The following TMEM39B variants were observed in gnomAD, a reference collection of about 807,000 sequenced individuals.
The protein encoded by TMEM39B is transmembrane protein 39B.
TMEM39B carries 23 observed loss-of-function variants against 52.2 expected under a neutral mutation model. That is an observed-to-expected ratio of 0.44 (90% CI 0.32 to 0.62). TMEM39B has a LOEUF of 0.62. TMEM39B is among the 20% of genes least tolerant of loss of function. The pLI is 0.06. For missense variants in TMEM39B, 547 were observed against 642.0 expected, an observed-to-expected ratio of 0.85 and a Z score of 1.60; for synonymous variants, 285 against 264.0, an observed-to-expected ratio of 1.08 and a Z score of -0.77.
At chr1:32,082,101 C>A (rs1640122214) in intron 5 of TMEM39B, among the ~76,000 whole-genome samples, 1 of 151,504 alleles carries the variant, frequency 6.6e-6, no homozygotes, top group Non-Finnish European at 1.5e-5. Flanking sequence ...TATAAGTATC[C>A]CTATACTTTT....
chr1:32,084,050 C>T, intron 5 of TMEM39B, among the ~76,000 whole-genome samples: 1 of 151,728 alleles, frequency 6.6e-6, no homozygotes, highest in South Asian at 2.1e-4. Context: ...ATTTTTCTTA[C>T]ATTCTATCAG....
At chr1:32,072,479 T>A (rs1169761176), upstream of TMEM39B, 3 of 152,906 alleles carry the variant, frequency 2.0e-5, no homozygotes, top group East Asian at 5.8e-4. Context: ...GTGAGAAATA[T>A]TTAGGACTTA....
At position 32,102,339 on chromosome 1, in the gene TMEM39B, G is replaced by C. The variant is rs142797276; in HGVS notation, c.1237-92G>C. On this transcript the variant is annotated intron_variant, in intron 8 of 8. Coordinates refer to ENST00000336294, the MANE Select transcript of TMEM39B (RefSeq NM_018056.4). The stretch of plus-strand genomic sequence containing the variant: ...CCATGTCTGCATGGGGCCCCAGGAG[G>C]CTGTCCCCTTCACTGGCCCACCCAG... The C allele has an allele frequency of 1.5e-3, 2,268 of 1,537,768 alleles. 32 individuals carry two copies. The African/African-American group carries it at 0.027, about 18-fold the overall frequency.
At chr1:32,088,192 C>T (rs921655030) in intron 5 of TMEM39B, among the ~76,000 whole-genome samples, 5 of 147,964 alleles carry the variant, frequency 3.4e-5, no homozygotes, top group African/African-American at 1.0e-4. Context: ...CCGAAGTGGG[C>T]GATCACGAGA....
chr1:32,094,831 G>C lies in TMEM39B; in HGVS notation c.975G>C (p.Leu325=). ...GCTGGTCCTGTGAACTCTTCCTGCT[G>C]GTGTCCATCAGCACCTCCGTGATCC... is the stretch of plus-strand genomic sequence containing the variant. The part of the protein sequence containing the change: ...DKRWSCELFL[L]VSISTSVILM... Residue 325 remains leucine, a synonymous_variant, in exon 7 of 9, where the codon CTG becomes CTC. Coordinates refer to ENST00000336294, the MANE Select transcript of TMEM39B (RefSeq NM_018056.4). 2 of 1,614,208 alleles carry C rather than the reference G, an allele frequency of 1.2e-6. No homozygotes were observed. Among genetic ancestry groups the C allele is most frequent in the Non-Finnish European group, 8.5e-7 (1 of 1,180,046 alleles).
At chr1:32,096,845 C>T (rs1640828413) in intron 7 of TMEM39B, among the ~76,000 whole-genome samples, 4 of 151,420 alleles carry the variant, frequency 2.6e-5, no homozygotes, top group Admixed American at 2.6e-4. Context: ...CACTCTGTCT[C>T]CCAGGCTGGA....
At chr1:32,095,338 A>G (rs1557439521) in intron 7 of TMEM39B, among the ~76,000 whole-genome samples, 1 of 152,048 alleles carries the variant, frequency 6.6e-6, no homozygotes, top group Non-Finnish European at 1.5e-5. Context: ...ATTTACTTCC[A>G]CCCAATCCAT....
At chr1:32,093,525 C>G (rs1489152823) in intron 6 of TMEM39B, among the ~76,000 whole-genome samples, 1 of 148,494 alleles carries the variant, frequency 6.7e-6, no homozygotes, top group Non-Finnish European at 1.5e-5. Context: ...AATTCTCCTA[C>G]CTTAGCCTCC....
intron 5 of TMEM39B, among the ~76,000 whole-genome samples, chr1:32,090,165 A>C (rs957784866): frequency 6.6e-6 from 1 of 152,060 alleles, no homozygotes; most frequent in Non-Finnish European, 1.5e-5. Flanking sequence ...AATATTTATA[A>C]AAGCCCCTAC....
At chr1:32,100,731 A>G in intron 8 of TMEM39B, 169 bp downstream of exon 8, 1 of 930,942 alleles carries the variant, frequency 1.1e-6, no homozygotes, top group South Asian at 1.6e-5. Flanking sequence ...TTGTCACTTA[A>G]TAACTGCAGC....
At chr1:32,088,564 A>ATTTT (rs35622976) in intron 5 of TMEM39B, among the ~76,000 whole-genome samples, 1 of 123,840 alleles carries the variant, frequency 8.1e-6, no homozygotes, top group Non-Finnish European at 1.7e-5. Context: ...CCTCACTCCC[A>ATTTT]TTTTTTTTTT....
In TMEM39B at chr1:32,093,806, T is replaced by TTTTTG. The variant is rs528545796; in HGVS notation, c.928-953_928-949dup. On this transcript the variant is annotated intron_variant, in intron 6 of 8. Coordinates refer to ENST00000336294, the MANE Select transcript of TMEM39B (RefSeq NM_018056.4). ...TTGGAGGTGGTTCATGGTTGCTTTT[T>TTTTTG]TTTTGTTTTGTTTTGTTTTGTTTTG... Among the ~76,000 whole-genome samples the TTTTTG allele has an allele frequency of 2.0e-3, 299 of 151,378 alleles. 3 individuals are homozygous for TTTTTG. The highest frequency in any genetic ancestry group is 6.2e-3 in the African/African-American group (257 of 41,268).
rs539682306 is a variant in TMEM39B at position 32,084,760 on chromosome 1, G to GT, written c.591-6912dup. ...TTTTTGTATTTTTAGTAGAGACGGG[G>GT]TTTCACCATGTTGGTCAGGCTGGTC... On this transcript the variant is annotated intron_variant, in intron 5 of 8. Coordinates refer to ENST00000336294, the MANE Select transcript of TMEM39B (RefSeq NM_018056.4). Among the ~76,000 whole-genome samples, 63 of 152,094 alleles carry GT rather than the reference G, an allele frequency of 4.1e-4. 1 individual carries two copies. The East Asian group carries it at 8.5e-3, about 21-fold the overall frequency.
Position 32,074,994 on chromosome 1 carries a change from G to T in TMEM39B, c.48G>T (p.Pro16=), listed in dbSNP as rs769208259. 1 of 1,551,464 alleles carries T rather than the reference G, an allele frequency of 6.4e-7. No individual in the cohort carries two copies. Among genetic ancestry groups the T allele is most frequent in the Non-Finnish European group, 8.7e-7 (1 of 1,146,960 alleles). ...ACAGGACATCTTACTGTCGAAATCC[G>T]CTCTGTGAGCCGGGATCCTCGGGGG... is the stretch of plus-strand genomic sequence containing the variant. The part of the protein sequence containing the change: ...GPNRTSYCRN[P]LCEPGSSGGS... Residue 16 remains proline (P), a synonymous_variant, in exon 2 of 9, where the codon CCG becomes CCT. Coordinates refer to ENST00000336294, the MANE Select transcript of TMEM39B (RefSeq NM_018056.4).
intron 3 of TMEM39B, among the ~76,000 whole-genome samples, chr1:32,076,406 C>A (rs1025638311): frequency 2.6e-5 from 4 of 152,106 alleles, no homozygotes; most frequent in Non-Finnish European, 5.9e-5. Context: ...CCACCGCGCC[C>A]GGCCAGGAGC....
intron 8 of TMEM39B, 128 bp from the exon 9 acceptor site, chr1:32,102,303 T>G (rs1641046664): frequency 1.5e-6 from 2 of 1,316,544 alleles, no homozygotes; most frequent in East Asian, 2.4e-5. Context: ...CCAGAAAGTC[T>G]TCTTCCCCAC....
At chr1:32,097,961 G>T (rs1640874581) in intron 7 of TMEM39B, among the ~76,000 whole-genome samples, 1 of 151,978 alleles carries the variant, frequency 6.6e-6, no homozygotes, top group South Asian at 2.1e-4. Flanking sequence ...CATATTGTTT[G>T]TGAGGTTCAT....
chr1:32,075,857 T>TGTGTGTGC (rs1557909875), intron 3 of TMEM39B, 35 bp downstream of exon 3: 1 of 1,271,188 alleles, frequency 7.9e-7, no homozygotes, highest in Non-Finnish European at 1.1e-6. Context: ...TGTGTGTGTG[T>TGTGTGTGC]GTGTGTGCGT....
chr1:32,074,894 G>C, intron 1 of TMEM39B, 57 bp from the exon 2 acceptor site: 1 of 1,507,068 alleles, frequency 6.6e-7, no homozygotes, highest in Non-Finnish European at 8.9e-7. Context: ...TATCATTGCT[G>C]TTATCCTTGA....
Sources: gnomAD v4.1 joint callset for allele counts (sites outside exome capture counted in the v4.1 genomes callset) on GRCh38, gnomAD v4.1.1 for gene constraint, MANE v1.5 for transcripts, NCBI Gene and HGNC (gene_info 2026-07-23, HGNC 2026-07-21) for gene names.